The following CTNNA3 variants were observed in gnomAD, a reference collection of about 807,000 sequenced individuals.
CTNNA3 encodes catenin alpha-3.
A neutral mutation model predicts 95.7 loss-of-function variants in CTNNA3; 76 were observed. The ratio of observed to expected loss-of-function variants is 0.79; its 90% CI spans 0.66 to 0.96. CTNNA3 has a LOEUF of 0.96. Among genes scored for constraint, CTNNA3 ranks in the 40% least tolerant of loss-of-function variants. CTNNA3 has a pLI of 0.00. For missense variants in CTNNA3, 1,191 were observed against 1,089.8 expected (o/e 1.09, Z -1.31); for synonymous variants, 431 against 374.4 (o/e 1.15, Z -1.74).
chr10:67,011,998 A>G (rs1852369303), intron 7 of CTNNA3, among the ~76,000 whole-genome samples: 1 of 152,156 alleles, frequency 6.6e-6, no homozygotes. Context: ...CAAGAACTCT[A>G]TAGGCATTAT....
intron 15 of CTNNA3, among the ~76,000 whole-genome samples, chr10:66,008,718 A>G (rs934169831): frequency 6.6e-6 from 1 of 152,264 alleles, no homozygotes; most frequent in Non-Finnish European, 1.5e-5. Context: ...ACTATTTTAA[A>G]TATCTTGCTA....
intron 13 of CTNNA3, among the ~76,000 whole-genome samples, chr10:66,221,155 A>G (rs2088906928): frequency 6.6e-6 from 1 of 152,212 alleles, no homozygotes; most frequent in South Asian, 2.1e-4. Context: ...GCCAGTGTCT[A>G]ATCTTATCAA....
intron 3 of CTNNA3, among the ~76,000 whole-genome samples, chr10:67,549,101 A>G (rs549158173): frequency 1.3e-5 from 2 of 152,274 alleles, no homozygotes; most frequent in Admixed American, 6.5e-5. Flanking sequence ...TTTATTATTT[A>G]AAAATAGGCA....
chr10:66,778,783 C>T (rs1840412741), intron 7 of CTNNA3, among the ~76,000 whole-genome samples: 2 of 152,092 alleles, frequency 1.3e-5, no homozygotes, highest in African/African-American at 4.8e-5. Flanking sequence ...CAAGACCAGC[C>T]TGGCCAACAT....
intron 5 of CTNNA3, among the ~76,000 whole-genome samples, chr10:67,333,373 T>C (rs925219718): frequency 6.6e-6 from 1 of 152,186 alleles, no homozygotes; most frequent in Non-Finnish European, 1.5e-5. Flanking sequence ...ATTGCTGTTA[T>C]TAGATTTACA....
intron 7 of CTNNA3, among the ~76,000 whole-genome samples, chr10:66,860,344 A>T (rs972570939): frequency 3.3e-5 from 5 of 152,138 alleles, no homozygotes; most frequent in Admixed American, 6.6e-5. Context: ...GCTTCTTTGT[A>T]AAAACATCGA....
At chr10:66,696,458 G>A (rs567286788) in intron 9 of CTNNA3, among the ~76,000 whole-genome samples, 4 of 152,240 alleles carry the variant, frequency 2.6e-5, no homozygotes, top group Admixed American at 2.6e-4. Context: ...ACATAATAAT[G>A]TAGTAAATAT....
intron 5 of CTNNA3, among the ~76,000 whole-genome samples, chr10:67,324,716 T>A (rs73266258): frequency 6.6e-6 from 1 of 151,356 alleles, no homozygotes; most frequent in Admixed American, 6.6e-5. Context: ...TTTTTTTTTG[T>A]CTTGCCAGAT....
intron 5 of CTNNA3, among the ~76,000 whole-genome samples, chr10:67,259,025 A>AT (rs1182432230): frequency 6.6e-6 from 1 of 152,076 alleles, no homozygotes. Flanking sequence ...GTTGTACTAT[A>AT]TTTTTTCTTT....
chr10:66,279,060 T>G (rs1041684561), intron 13 of CTNNA3, among the ~76,000 whole-genome samples: 2 of 152,086 alleles, frequency 1.3e-5, no homozygotes, highest in African/African-American at 4.8e-5. Context: ...CTCTTTGATA[T>G]GGTAATTGGT....
intron 5 of CTNNA3, among the ~76,000 whole-genome samples, chr10:67,275,292 T>C (rs930829794): frequency 7.2e-5 from 11 of 152,078 alleles, no homozygotes; most frequent in African/African-American, 2.7e-4. Context: ...CGTGCACACA[T>C]AAGTGGTGGA....
chr10:66,574,361 G>A (rs1842947150), intron 10 of CTNNA3, among the ~76,000 whole-genome samples: 1 of 152,012 alleles, frequency 6.6e-6, no homozygotes, highest in Non-Finnish European at 1.5e-5. Flanking sequence ...TGAAAGGTGA[G>A]CAAAGGTTCT....
At chr10:66,290,439 A>G (rs190110253) in intron 12 of CTNNA3, among the ~76,000 whole-genome samples, 1 of 152,224 alleles carries the variant, frequency 6.6e-6, no homozygotes, top group Admixed American at 6.5e-5. Flanking sequence ...GAAATTTTCA[A>G]ATGAAAATGA....
chr10:66,729,721 T>C (rs1160047675), intron 9 of CTNNA3, among the ~76,000 whole-genome samples: 2 of 152,118 alleles, frequency 1.3e-5, no homozygotes, highest in Non-Finnish European at 2.9e-5. Context: ...TGCACCAACA[T>C]CTCACAAAAA....
intron 15 of CTNNA3, among the ~76,000 whole-genome samples, chr10:66,015,757 A>G (rs918597436): frequency 6.6e-6 from 1 of 152,198 alleles, no homozygotes; most frequent in Non-Finnish European, 1.5e-5. Context: ...AGTCCCTTTT[A>G]TGGAGAAGCA....
intron 6 of CTNNA3, among the ~76,000 whole-genome samples, chr10:67,206,247 T>C (rs533301269): frequency 6.6e-6 from 1 of 152,320 alleles, no homozygotes; most frequent in East Asian, 1.9e-4. Context: ...CTTGAGAACA[T>C]GTATCTAATG....
chr10:67,214,396 AG>A (rs1322811834), intron 6 of CTNNA3, among the ~76,000 whole-genome samples: 1 of 151,852 alleles, frequency 6.6e-6, no homozygotes, highest in Admixed American at 6.6e-5. Flanking sequence ...AAATATATAA[AG>A]ACCCTAGAAC....
intron 11 of CTNNA3, among the ~76,000 whole-genome samples, chr10:66,489,940 T>C (rs1338067802): frequency 2.0e-5 from 3 of 152,224 alleles, no homozygotes; most frequent in East Asian, 1.9e-4. Context: ...ACTCTGGGCA[T>C]AGGGAATGCT....
intron 5 of CTNNA3, among the ~76,000 whole-genome samples, chr10:67,442,444 C>G (rs2132936016): frequency 6.6e-6 from 1 of 151,962 alleles, no homozygotes; most frequent in South Asian, 2.1e-4. Context: ...GAGAGAGACC[C>G]AATGATCTGT....
Sources: allele counts gnomAD v4.1 joint callset (sites outside exome capture counted in the v4.1 genomes callset), GRCh38; gene constraint gnomAD v4.1.1; transcripts MANE v1.5; gene names NCBI Gene and HGNC (gene_info 2026-07-23, HGNC 2026-07-21).